Variants in TMEM132B observed in about 807,000 individuals in gnomAD.
The protein encoded by TMEM132B is transmembrane protein 132B.
Under a neutral mutation model 90.8 loss-of-function variants are expected in TMEM132B, and 18 were observed. That is an observed-to-expected ratio of 0.20 (90% CI 0.14 to 0.29). The LOEUF is 0.29. TMEM132B is among the 10% of genes least tolerant of loss of function. The pLI, the probability that TMEM132B is intolerant of heterozygous loss-of-function variation, is 1.00. For missense variants in TMEM132B, 1,096 were observed against 1,326.8 expected (o/e 0.83, Z 2.70); for synonymous variants, 504 against 523.3 (o/e 0.96, Z 0.50).
intron 4 of TMEM132B, among the ~76,000 whole-genome samples, chr12:125,547,241 A>G (rs942502547): frequency 3.3e-5 from 5 of 152,154 alleles, no homozygotes; most frequent in Non-Finnish European, 5.9e-5. Context: ...TAGCTGCACC[A>G]TTTCCCATTC....
chr12:125,504,373 CTCTT>C (rs1422172177), intron 3 of TMEM132B, among the ~76,000 whole-genome samples: 3 of 152,140 alleles, frequency 2.0e-5, no homozygotes, highest in African/African-American at 7.2e-5. Context: ...CTCTCTTCCT[CTCTT>C]TCATTTTTTT....
At chr12:125,556,743 A>G (rs1436300193) in intron 4 of TMEM132B, among the ~76,000 whole-genome samples, 1 of 152,120 alleles carries the variant, frequency 6.6e-6, no homozygotes, top group South Asian at 2.1e-4. Context: ...CATTGTCACT[A>G]TAGACATTAC....
intron 3 of TMEM132B, among the ~76,000 whole-genome samples, chr12:125,428,067 G>A (rs1880376313): frequency 6.6e-6 from 1 of 151,898 alleles, no homozygotes; most frequent in Admixed American, 6.6e-5. Flanking sequence ...GCATGACCAT[G>A]GCTCACTGAG....
chr12:125,281,067 T>A lies in TMEM132B; in HGVS notation c.68-68385T>A, dbSNP rs534129150. On this transcript the variant is annotated intron_variant, in intron 1 of 8. Coordinates refer to ENST00000682704, the MANE Select transcript of TMEM132B (RefSeq NM_001366854.1). Reference sequence around the variant, plus strand: ...CAATGAACCCTAAGCATTTTGGCCTTGGGGTGGAGAGGGGTGAGAAAGGCC... The same window carrying A: ...CAATGAACCCTAAGCATTTTGGCCTAGGGGTGGAGAGGGGTGAGAAAGGCC... Among the ~76,000 whole-genome samples, 30 of 152,286 alleles carry A rather than the reference T, an allele frequency of 2.0e-4. No homozygotes were observed. In the East Asian group the frequency reaches 5.4e-3, roughly 27 times the overall value.
chr12:125,564,582 T>A (rs1183462315), intron 4 of TMEM132B, among the ~76,000 whole-genome samples: 1 of 152,212 alleles, frequency 6.6e-6, no homozygotes, highest in African/African-American at 2.4e-5. Flanking sequence ...AGTTTTGTAT[T>A]TAAGGGGAAT....
chr12:125,290,290 C>T (rs1875502424), intron 1 of TMEM132B, among the ~76,000 whole-genome samples: 1 of 152,236 alleles, frequency 6.6e-6, no homozygotes, highest in African/African-American at 2.4e-5. Context: ...ACCTTACTAC[C>T]TTCAAAATCA....
At chr12:125,374,962 C>T (rs186129550) in intron 2 of TMEM132B, among the ~76,000 whole-genome samples, 1 of 152,222 alleles carries the variant, frequency 6.6e-6, no homozygotes, top group East Asian at 1.9e-4. Context: ...ACAACATTTC[C>T]ATCACTGAGC....
At chr12:125,378,455 C>T (rs536353776) in intron 2 of TMEM132B, among the ~76,000 whole-genome samples, 1 of 152,344 alleles carries the variant, frequency 6.6e-6, no homozygotes, top group East Asian at 1.9e-4. Flanking sequence ...GTGGAGGTAG[C>T]TGTTCTCTGG....
chr12:125,470,797 T>C (rs1393233886), intron 3 of TMEM132B, among the ~76,000 whole-genome samples: 3 of 152,180 alleles, frequency 2.0e-5, no homozygotes, highest in Non-Finnish European at 4.4e-5. Context: ...AATAAGGACA[T>C]GGTTTGGCTC....
At chr12:125,531,242 G>A (rs1026936542) in intron 4 of TMEM132B, among the ~76,000 whole-genome samples, 1 of 152,166 alleles carries the variant, frequency 6.6e-6, no homozygotes, top group African/African-American at 2.4e-5. Flanking sequence ...CTGGAGTGCA[G>A]CAGTATGTTC....
At chr12:125,531,069 A>G (rs936905210) in intron 4 of TMEM132B, among the ~76,000 whole-genome samples, 1 of 152,248 alleles carries the variant, frequency 6.6e-6, no homozygotes, top group African/African-American at 2.4e-5. Flanking sequence ...CCATTCACTC[A>G]GCTACACAAT....
At chr12:125,350,448 A>G (rs1235166877) in intron 2 of TMEM132B, 105 bp downstream of exon 2, 34 of 1,322,762 alleles carry the variant, frequency 2.6e-5, no homozygotes, top group Non-Finnish European at 3.4e-5. Context: ...TATTGTCAAA[A>G]ATGAATACAG....
intron 5 of TMEM132B, among the ~76,000 whole-genome samples, chr12:125,628,284 C>CT (rs1322465867): frequency 6.6e-6 from 1 of 152,038 alleles, no homozygotes; most frequent in Non-Finnish European, 1.5e-5. Context: ...CAAGGGTTCC[C>CT]TTTTCTCTAT....
intron 2 of TMEM132B, among the ~76,000 whole-genome samples, chr12:125,370,316 G>C (rs1233810195): frequency 6.6e-6 from 1 of 152,194 alleles, no homozygotes; most frequent in Non-Finnish European, 1.5e-5. Flanking sequence ...ACTGTCACAA[G>C]ATAGCCGCTG....
rs947556374 is a variant in TMEM132B at position 125,330,512 on chromosome 12, A to G, written c.68-18940A>G. The stretch of plus-strand genomic sequence containing the variant: ...GAAAGAAAAAAAATGGCCAGTAAAC[A>G]TTTAAAAAACTTAATCACTAATTGT... On this transcript the variant is annotated intron_variant, in intron 1 of 8. Coordinates refer to ENST00000682704, the MANE Select transcript of TMEM132B (RefSeq NM_001366854.1). Among the ~76,000 whole-genome samples, 8 of 152,272 alleles carry G rather than the reference A, an allele frequency of 5.3e-5. No individual in the cohort carries two copies. In the East Asian group the frequency reaches 1.2e-3, roughly 22 times the overall value.
intron 2 of TMEM132B, among the ~76,000 whole-genome samples, chr12:125,352,219 A>T (rs762524380): frequency 6.6e-6 from 1 of 152,256 alleles, no homozygotes; most frequent in African/African-American, 2.4e-5. Flanking sequence ...ACAATGCTGC[A>T]TATCAGTGGA....
At chr12:125,461,536 C>G (rs1040712442) in intron 3 of TMEM132B, among the ~76,000 whole-genome samples, 2 of 152,264 alleles carry the variant, frequency 1.3e-5, no homozygotes, top group Admixed American at 6.5e-5. Flanking sequence ...ACACCAACTT[C>G]TGTTGATTGT....
chr12:125,225,715 C>T (rs147390030), intron 1 of TMEM132B, among the ~76,000 whole-genome samples: 14 of 152,266 alleles, frequency 9.2e-5, no homozygotes, highest in Non-Finnish European at 1.3e-4. Flanking sequence ...CTTACCTCCG[C>T]GGGGCTTGCA....
chr12:125,576,894 CA>C (rs1216371363), intron 4 of TMEM132B, among the ~76,000 whole-genome samples: 1 of 150,480 alleles, frequency 6.6e-6, no homozygotes, highest in Non-Finnish European at 1.5e-5. Flanking sequence ...GTGTGTGTGG[CA>C]GGGGGGTGGG....
Sources: allele counts gnomAD v4.1 joint callset (sites outside exome capture counted in the v4.1 genomes callset), GRCh38; gene constraint gnomAD v4.1.1; transcripts MANE v1.5; gene names NCBI Gene and HGNC (gene_info 2026-07-23, HGNC 2026-07-21).